The following APOL2 variants were observed in gnomAD, a reference collection of about 807,000 sequenced individuals.
The protein encoded by APOL2 is apolipoprotein L2, also known as apolipoprotein L, 2.
In APOL2, 8 loss-of-function variants were observed where a neutral mutation model predicts 7.1. The ratio of observed to expected loss-of-function variants is 1.12; its 90% CI spans 0.66 to 2.03. The LOEUF is 2.03. Ranked by LOEUF, APOL2 falls within the 30% of genes most tolerant of loss-of-function variation. APOL2 has a pLI of 0.00. For synonymous variants in APOL2, 177 were observed against 159.9 expected (o/e 1.11, Z -0.81); for missense variants, 471 against 415.1 (o/e 1.13, Z -1.17).
At position 36,226,666 on chromosome 22, in the gene APOL2, G is replaced by GC. The variant is rs879928104; in HGVS notation, c.*737_*738insG. The GC allele has an allele frequency of 6.0e-3, 925 of 153,622 alleles. 8 individuals carry two copies. The highest frequency in any genetic ancestry group is 0.012 in the Admixed American group (191 of 15,368). 9.5% of individuals were successfully genotyped at this position (153,622 alleles called of 1,614,324 possible). A position where few individuals can be genotyped will look rare whatever the true frequency, so the allele number is the denominator to read the frequency against. ...TTCTTGGAAGGACATCAAACCTGGG[G>GC]GGGGGTCGGTAGTGGAGCTGCTGTT... is the stretch of plus-strand genomic sequence containing the variant. On this transcript the variant is annotated 3_prime_UTR_variant, in exon 5 of 5. Coordinates refer to ENST00000358502, the MANE Select transcript of APOL2 (RefSeq NM_030882.4).
In APOL2 at chr22:36,239,424, C is replaced by T. The variant is rs762723564; in HGVS notation, c.-134+17G>A. 1 of 1,537,274 alleles carries T rather than the reference C, an allele frequency of 6.5e-7. No homozygotes were observed. The highest frequency in any genetic ancestry group is 8.7e-7 in the Non-Finnish European group (1 of 1,145,536). On this transcript the variant is annotated intron_variant, in intron 1 of 4. Coordinates refer to ENST00000358502, the MANE Select transcript of APOL2 (RefSeq NM_030882.4). ...AGAATAAGGACATGGGGGTAGATCA[C>T]ACTATCCCCAACTTACCAAGGGATC...
chr22:36,232,193 T>G (rs1415714510), intron 3 of APOL2, among the ~76,000 whole-genome samples: 1 of 152,260 alleles, frequency 6.6e-6, no homozygotes, highest in African/African-American at 2.4e-5. Context: ...TCTCTGACAC[T>G]TTTTCATCAT....
chr22:36,239,750 A>G, upstream of APOL2: 3 of 527,576 alleles, frequency 5.7e-6, no homozygotes, highest in Non-Finnish European at 1.0e-5. Context: ...CATCCTCAGG[A>G]TTCAAGGTCT....
chr22:36,237,319 A>C, intron 1 of APOL2: 1 of 1,339,008 alleles, frequency 7.5e-7, no homozygotes, highest in South Asian at 2.4e-5. Flanking sequence ...GAGGACAGGG[A>C]CTCTCAGCAA....
At chr22:36,239,859 C>T (rs573236582), upstream of APOL2, 8 of 283,552 alleles carry the variant, frequency 2.8e-5, no homozygotes, top group South Asian at 1.4e-4. Context: ...ACCCCCGCCC[C>T]GATCTCTGCA....
chr22:36,230,290 G>A (rs1358942835), intron 4 of APOL2, among the ~76,000 whole-genome samples: 1 of 152,200 alleles, frequency 6.6e-6, no homozygotes, highest in Non-Finnish European at 1.5e-5. Context: ...TCTCTGTGTA[G>A]AAGAGAAGAA....
At chr22:36,238,592 C>T (rs908127803) in intron 1 of APOL2, among the ~76,000 whole-genome samples, 3 of 152,180 alleles carry the variant, frequency 2.0e-5, no homozygotes, top group Non-Finnish European at 2.9e-5. Flanking sequence ...TCTGCTTCTA[C>T]AAACACAGAG....
At chr22:36,239,544 C>T (rs1313276828), upstream of APOL2, 12 of 1,569,946 alleles carry the variant, frequency 7.6e-6, no homozygotes, top group Middle Eastern at 1.7e-4. Flanking sequence ...ACACGTCCTC[C>T]GGCCTCCCAG....
rs532973296 is a variant in APOL2, at chr22:36,239,248, C to T, written c.-134+193G>A. The T allele has an allele frequency of 1.8e-4, 252 of 1,371,858 alleles. 1 individual carries two copies. The highest frequency in any genetic ancestry group is 1.8e-5 in the South Asian group (1 of 54,512). The allele number at this position is 1,371,858 out of a possible 1,614,324, so 85.0% of individuals were successfully genotyped here. A position where few individuals can be genotyped will look rare whatever the true frequency, so the allele number is the denominator to read the frequency against. On this transcript the variant is annotated intron_variant, in intron 1 of 4. Coordinates refer to ENST00000358502, the MANE Select transcript of APOL2 (RefSeq NM_030882.4). ...TCCCCACCTCTCTCTACAGTTTACC[C>T]GCCCAGCAGGAGGGAGGGAGCAATC...
rs766844393 is a variant in APOL2, at chr22:36,233,171, C to A, written c.-9G>T. 6.2e-7 allele frequency: 1 copy of A among 1,614,066 alleles called. No homozygotes were observed. Among genetic ancestry groups the A allele is most frequent in the South Asian group, 1.1e-5 (1 of 91,078 alleles). ...AGCCTACCTGGGTTCATGGTGCCAGCGGCTGGGTTACCGAGGGGCTTTCCT... is the reference window on the plus strand; with the variant it reads ...AGCCTACCTGGGTTCATGGTGCCAGAGGCTGGGTTACCGAGGGGCTTTCCT... On this transcript the variant is annotated 5_prime_UTR_variant, in exon 3 of 5. Transcript: ENST00000358502.
intron 1 of APOL2, among the ~76,000 whole-genome samples, chr22:36,235,038 T>A (rs1023971485): frequency 6.6e-6 from 1 of 152,002 alleles, no homozygotes; most frequent in Non-Finnish European, 1.5e-5. Context: ...AAATGACAAC[T>A]GAATAAAGAG....
chr22:36,226,967 C>A lies in APOL2; in HGVS notation c.*437G>T. The A allele has an allele frequency of 5.9e-6, 1 of 168,928 alleles. No homozygotes were observed. The highest frequency in any genetic ancestry group is 1.5e-4 in the South Asian group (1 of 6,634). 10.5% of individuals were successfully genotyped at this position (168,928 alleles called of 1,614,324 possible). A position where few individuals can be genotyped will look rare whatever the true frequency, so the allele number is the denominator to read the frequency against. ...TGCTCAGCTACACAAATGCCAAAGTCACTAACACTCAGTTCCATAAGCTTT... is the reference window on the plus strand; with the variant it reads ...TGCTCAGCTACACAAATGCCAAAGTAACTAACACTCAGTTCCATAAGCTTT... On this transcript the variant is annotated 3_prime_UTR_variant, in exon 5 of 5. Transcript: ENST00000358502.
At chr22:36,229,995 T>A (rs2015161210) in intron 4 of APOL2, among the ~76,000 whole-genome samples, 1 of 152,246 alleles carries the variant, frequency 6.6e-6, no homozygotes, top group South Asian at 2.1e-4. Flanking sequence ...CACTCGCAGG[T>A]GTCACCAGCC....
intron 1 of APOL2, chr22:36,237,333 A>G (rs2015441716): frequency 1.5e-6 from 2 of 1,333,642 alleles, no homozygotes; most frequent in East Asian, 2.9e-5. Context: ...TCAGCAAAGC[A>G]TCTCCCTCCA....
At chr22:36,232,626 G>C (rs2015262024) in intron 3 of APOL2, among the ~76,000 whole-genome samples, 1 of 152,194 alleles carries the variant, frequency 6.6e-6, no homozygotes, top group African/African-American at 2.4e-5. Context: ...GAAAAGGCCA[G>C]ACCGGGGTCC....
chr22:36,238,735 T>C (rs1180096856), intron 1 of APOL2, among the ~76,000 whole-genome samples: 3 of 152,236 alleles, frequency 2.0e-5, no homozygotes, highest in South Asian at 2.1e-4. Flanking sequence ...GTCTCAGCCA[T>C]GTTTCCCATT....
In APOL2 at chr22:36,233,460, A is replaced by T. The variant is rs1368203751; in HGVS notation, c.-133-5T>A. 2 of 1,549,478 alleles carry T rather than the reference A, an allele frequency of 1.3e-6. No homozygotes were observed. The highest frequency in any genetic ancestry group is 2.4e-5 in the South Asian group (2 of 84,096). The stretch of plus-strand genomic sequence containing the variant: ...CCAAGGCAGGGTCCTCTTGTCCTGT[A>T]GGGGTATGAGAAGAAGATAATCAGA... On this transcript the variant is annotated splice_polypyrimidine_tract_variant and splice_region_variant and intron_variant, in intron 1 of 4. Transcript: ENST00000358502.
chr22:36,226,424 C>T lies in APOL2; in HGVS notation c.*980G>A, dbSNP rs2014987974. On this transcript the variant is annotated 3_prime_UTR_variant, in exon 5 of 5. Transcript: ENST00000358502. ...TGGGTTCTCAGGGACACCTGCTCCT[C>T]AGCTGGGGATTGTGGCCATGGCCTA... 1 of 152,392 alleles carries T rather than the reference C, an allele frequency of 6.6e-6. No individual in the cohort carries two copies. The allele number at this position is 152,392 out of a possible 1,614,324, so 9.4% of individuals were successfully genotyped here. A position where few individuals can be genotyped will look rare whatever the true frequency, so the allele number is the denominator to read the frequency against.
At chr22:36,236,990 G>C in intron 1 of APOL2, 1 of 1,387,948 alleles carries the variant, frequency 7.2e-7, no homozygotes, top group Non-Finnish European at 9.4e-7. Flanking sequence ...GCCATCTCAT[G>C]AGCCATGAGA....
Sources: gnomAD v4.1 joint callset for allele counts (sites outside exome capture counted in the v4.1 genomes callset) on GRCh38, gnomAD v4.1.1 for gene constraint, MANE v1.5 for transcripts, NCBI Gene and HGNC (gene_info 2026-07-23, HGNC 2026-07-21) for gene names.